The following GLRA1 variants were observed in gnomAD, a reference collection of about 807,000 sequenced individuals.
The protein encoded by GLRA1 is glycine receptor subunit alpha-1.
A neutral mutation model predicts 48.3 loss-of-function variants in GLRA1; 37 were observed. The ratio of observed to expected loss-of-function variants is 0.77; its 90% CI spans 0.59 to 1.01. The LOEUF is 1.01. GLRA1 is among the 50% of genes least tolerant of loss of function. The probability of loss-of-function intolerance (pLI) is 0.00; values close to 1 mark genes in which losing one functional copy is unlikely to be tolerated. For missense variants in GLRA1, 427 were observed against 571.0 expected (o/e 0.75, Z 2.57); for synonymous variants, 196 against 210.7 (o/e 0.93, Z 0.60).
At chr5:151,904,259 A>C (rs1436546051) in intron 1 of GLRA1, among the ~76,000 whole-genome samples, 1 of 152,096 alleles carries the variant, frequency 6.6e-6, no homozygotes. Context: ...CTGTACCTTC[A>C]AGATCCTCCA....
chr5:151,851,790 T>C (rs1033068111), intron 6 of GLRA1, among the ~76,000 whole-genome samples, 186 bp from the exon 7 acceptor site: 1 of 152,180 alleles, frequency 6.6e-6, no homozygotes, highest in African/African-American at 2.4e-5. Context: ...CAATAATACC[T>C]CCATCATATA....
At chr5:151,905,749 A>C (rs963640436) in intron 1 of GLRA1, among the ~76,000 whole-genome samples, 2 of 152,124 alleles carry the variant, frequency 1.3e-5, no homozygotes, top group Admixed American at 1.3e-4. Context: ...GAGTAAGTAA[A>C]AGTTGAAAAG....
intron 1 of GLRA1, among the ~76,000 whole-genome samples, chr5:151,917,876 C>A (rs1452862854): frequency 6.6e-6 from 1 of 152,182 alleles, no homozygotes; most frequent in East Asian, 1.9e-4. Flanking sequence ...CTCCATGTGC[C>A]TGTGGGTTGC....
At chr5:151,848,217 TACAA>T (rs1415800593) in intron 7 of GLRA1, among the ~76,000 whole-genome samples, 2 of 152,186 alleles carry the variant, frequency 1.3e-5, no homozygotes, top group African/African-American at 2.4e-5. Context: ...GCCTAGATTG[TACAA>T]ACAATCTGGT....
intron 1 of GLRA1, among the ~76,000 whole-genome samples, chr5:151,892,816 G>A (rs1754112926): frequency 1.3e-5 from 2 of 152,182 alleles, no homozygotes; most frequent in African/African-American, 4.8e-5. Flanking sequence ...GGTCCATGGA[G>A]CCACACGGAC....
At chr5:151,868,067 T>C (rs1484349579) in intron 3 of GLRA1, among the ~76,000 whole-genome samples, 2 of 152,142 alleles carry the variant, frequency 1.3e-5, no homozygotes, top group Non-Finnish European at 1.5e-5. Context: ...GGAATGGAGA[T>C]TGGAGCTAGA....
At chr5:151,879,551 A>G (rs1056166470) in intron 3 of GLRA1, among the ~76,000 whole-genome samples, 2 of 152,080 alleles carry the variant, frequency 1.3e-5, no homozygotes, top group African/African-American at 4.8e-5. Context: ...AGGTTTCACC[A>G]TATTGGCTAG....
At chr5:151,843,995 C>T (rs1279676765) in intron 7 of GLRA1, among the ~76,000 whole-genome samples, 3 of 151,956 alleles carry the variant, frequency 2.0e-5, no homozygotes, top group Admixed American at 6.6e-5. Flanking sequence ...CATGGTGAAA[C>T]CCCTTCTCTA....
intron 1 of GLRA1, among the ~76,000 whole-genome samples, chr5:151,896,576 C>T (rs780281809): frequency 1.6e-4 from 25 of 152,134 alleles, no homozygotes; most frequent in Non-Finnish European, 2.1e-4. Flanking sequence ...GTGAACTACC[C>T]GGTAATCCTC....
chr5:151,879,363 G>A (rs544491366), intron 3 of GLRA1, among the ~76,000 whole-genome samples: 23 of 144,102 alleles, frequency 1.6e-4, no homozygotes, highest in Non-Finnish European at 2.6e-4. Flanking sequence ...ATTTATTTAC[G>A]TATTTTTTTA....
At chr5:151,920,888 T>C (rs780173245) in intron 1 of GLRA1, among the ~76,000 whole-genome samples, 1 of 152,138 alleles carries the variant, frequency 6.6e-6, no homozygotes, top group Non-Finnish European at 1.5e-5. Flanking sequence ...AGCCTGGAGA[T>C]GGAGAAGCCA....
chr5:151,858,166 C>T (rs1338881571), intron 4 of GLRA1, among the ~76,000 whole-genome samples: 6 of 152,144 alleles, frequency 3.9e-5, no homozygotes, highest in Non-Finnish European at 7.4e-5. Context: ...AACTTCCTTC[C>T]TCCAGCTCAC....
chr5:151,895,824 G>A (rs1754214887), intron 1 of GLRA1, among the ~76,000 whole-genome samples: 1 of 152,126 alleles, frequency 6.6e-6, no homozygotes. Flanking sequence ...GTGTGGCTCT[G>A]GTGTGGGCAG....
intron 1 of GLRA1, among the ~76,000 whole-genome samples, chr5:151,922,406 T>C (rs1420410547): frequency 6.6e-6 from 1 of 152,268 alleles, no homozygotes; most frequent in Non-Finnish European, 1.5e-5. Flanking sequence ...TTAATCTCTC[T>C]GAAAAATTGC....
rs202218874 is a variant in GLRA1, at chr5:151,844,621, CAAAAAA to C, written c.912+6763_912+6768del. On this transcript the variant is annotated intron_variant, in intron 7 of 8. Transcript: ENST00000274576. ...TGGGTGACAGAGTAGTACTCTATCT[CAAAAAA>C]AAAAAAAAAAAAAAGAAAAAGAAAA... 3.4e-3 allele frequency among the ~76,000 whole-genome samples: 170 copies of C among 49,740 alleles called. 1 individual carries two copies. The East Asian group carries it at 0.04, about 12-fold the overall frequency. 32.6% of individuals were successfully genotyped at this position (49,740 alleles called of 152,430 possible). A position where few individuals can be genotyped will look rare whatever the true frequency, so the allele number is the denominator to read the frequency against.
Position 151,866,955 on chromosome 5 carries a change from A to G in GLRA1, c.253-6947T>C, listed in dbSNP as rs115052528. ...CCATCTGTACAAAAAAAGTAAAAAT[A>G]AAAAAATTAGCTGGGCCTGGTGGTG... is the stretch of plus-strand genomic sequence containing the variant. On this transcript the variant is annotated intron_variant, in intron 3 of 8. Coordinates refer to ENST00000274576, the MANE Select transcript of GLRA1 (RefSeq NM_000171.4). 5.3e-3 allele frequency among the ~76,000 whole-genome samples: 800 copies of G among 152,146 alleles called. 9 individuals carry two copies. The highest frequency in any genetic ancestry group is 0.018 in the African/African-American group (753 of 41,506).
At chr5:151,828,295 A>G (rs1056750387) in intron 8 of GLRA1, among the ~76,000 whole-genome samples, 1 of 152,196 alleles carries the variant, frequency 6.6e-6, no homozygotes, top group Non-Finnish European at 1.5e-5. Context: ...GACCCACGGT[A>G]TGGAGCAGTT....
At chr5:151,854,951 A>T (rs968246649) in intron 6 of GLRA1, 89 bp downstream of exon 6, 1 of 1,368,690 alleles carries the variant, frequency 7.3e-7, no homozygotes, top group Non-Finnish European at 1.0e-6. Context: ...TCTTCATAAG[A>T]TCTGTTGGAT....
chr5:151,849,240 TC>T (rs1230750414), intron 7 of GLRA1, among the ~76,000 whole-genome samples: 2 of 102,934 alleles, frequency 1.9e-5, no homozygotes, highest in East Asian at 2.4e-4. Flanking sequence ...CTTCCTTCCT[TC>T]CTTCCTTCCC....
Sources: allele counts gnomAD v4.1 joint callset (sites outside exome capture counted in the v4.1 genomes callset), GRCh38; gene constraint gnomAD v4.1.1; transcripts MANE v1.5; gene names NCBI Gene and HGNC (gene_info 2026-07-23, HGNC 2026-07-21).